Variants in DACH2 observed in about 807,000 individuals in gnomAD.
DACH2 encodes dachshund family transcription factor 2.
A neutral mutation model predicts 35.8 loss-of-function variants in DACH2; 17 were observed. That is an observed-to-expected ratio of 0.48 (90% CI 0.33 to 0.71). The LOEUF (loss-of-function observed/expected upper bound fraction) is 0.71. Ranked by LOEUF, DACH2 falls within the 30% of genes least tolerant of loss-of-function variation. The pLI is 0.02. For synonymous variants in DACH2, 195 were observed against 177.3 expected (o/e 1.10, Z -0.79); for missense variants, 469 against 472.7 (o/e 0.99, Z 0.07).
intron 3 of DACH2, among the ~76,000 whole-genome samples, chrX:86,549,723 C>T (rs1434780640): frequency 1.8e-5 from 2 of 110,976 alleles, no homozygotes; most frequent in Non-Finnish European, 3.8e-5. Context: ...ATTAAATCCA[C>T]ATCTGACATT....
chrX:86,632,140 A>C (rs1417225813), intron 3 of DACH2, among the ~76,000 whole-genome samples: 5 of 111,426 alleles, frequency 4.5e-5, no homozygotes, highest in African/African-American at 1.6e-4. Context: ...TATCTCTGCG[A>C]ATCCATTTTA....
At chrX:86,216,354 C>T (rs1167359597) in intron 1 of DACH2, among the ~76,000 whole-genome samples, 1 of 109,467 alleles carries the variant, frequency 9.1e-6, no homozygotes, top group East Asian at 2.9e-4. Context: ...GCTATCCCTC[C>T]CCCAGCCCAC....
In DACH2 at chrX:86,437,803, G is replaced by A. The variant is rs934553157; in HGVS notation, c.527+60941G>A. Reference sequence around the variant, plus strand: ...CTTTTGGATAAATAACCAGTTGTGGGATTACTGGTAGTTTTTTTAGTTTTT... The same window carrying A: ...CTTTTGGATAAATAACCAGTTGTGGAATTACTGGTAGTTTTTTTAGTTTTT... On this transcript the variant is annotated intron_variant, in intron 2 of 11. Coordinates refer to ENST00000373125, the MANE Select transcript of DACH2 (RefSeq NM_053281.3). Among the ~76,000 whole-genome samples, 4 of 109,918 alleles carry A rather than the reference G, an allele frequency of 3.6e-5. No individual in the cohort carries two copies. The South Asian group carries it at 1.5e-3, about 42-fold the overall frequency.
At chrX:86,244,494 G>A (rs1199872609) in intron 1 of DACH2, among the ~76,000 whole-genome samples, 1 of 111,871 alleles carries the variant, frequency 8.9e-6, no homozygotes, top group East Asian at 2.8e-4. Context: ...TGCACCTCTA[G>A]TTCCAGCTAC....
chrX:86,537,108 A>G (rs2038813169), intron 3 of DACH2, among the ~76,000 whole-genome samples: 1 of 111,295 alleles, frequency 9.0e-6, no homozygotes, highest in Admixed American at 9.6e-5. Context: ...CATTCCTTGC[A>G]TTCTGTGTAA....
intron 2 of DACH2, among the ~76,000 whole-genome samples, chrX:86,495,001 T>C (rs1385420164): frequency 8.9e-6 from 1 of 111,973 alleles, no homozygotes; most frequent in Non-Finnish European, 1.9e-5. Context: ...TTGCAAAATA[T>C]AAAAACATAA....
chrX:86,676,580 G>T (rs1346633315), intron 4 of DACH2, among the ~76,000 whole-genome samples: 1 of 111,580 alleles, frequency 9.0e-6, no homozygotes, highest in Non-Finnish European at 1.9e-5. Context: ...TTGAGGAACT[G>T]AATTTTTCAT....
At chrX:86,235,563 A>C (rs2033040866) in intron 1 of DACH2, among the ~76,000 whole-genome samples, 1 of 112,302 alleles carries the variant, frequency 8.9e-6, no homozygotes, top group Non-Finnish European at 1.9e-5. Context: ...CCATTGGCTG[A>C]AACTTTGAGT....
At chrX:86,803,015 C>T (rs2042309459) in intron 7 of DACH2, among the ~76,000 whole-genome samples, 1 of 112,137 alleles carries the variant, frequency 8.9e-6, no homozygotes. Flanking sequence ...ACAGAGGTAG[C>T]CAGGCTGGTT....
At chrX:86,744,909 C>G (rs1425751095) in intron 7 of DACH2, among the ~76,000 whole-genome samples, 1 of 111,260 alleles carries the variant, frequency 9.0e-6, no homozygotes, top group Non-Finnish European at 1.9e-5. Context: ...GCTATTCACT[C>G]TACTTTACCT....
At chrX:86,158,490 G>A (rs2030633057) in intron 1 of DACH2, among the ~76,000 whole-genome samples, 4 of 108,547 alleles carry the variant, frequency 3.7e-5, no homozygotes, top group South Asian at 8.0e-4. Context: ...CATTTTGATC[G>A]CTCATGATTA....
intron 3 of DACH2, among the ~76,000 whole-genome samples, chrX:86,610,323 T>TTC (rs1569452211): frequency 9.1e-6 from 1 of 110,101 alleles, no homozygotes; most frequent in African/African-American, 3.3e-5. Context: ...TTCTTTCTCC[T>TTC]TCCTTCCTTC....
chrX:86,291,485 G>A lies in DACH2; in HGVS notation c.489-85339G>A, dbSNP rs1174132698. ...TATTGAATAGGAGTGGTGAGAGAGG[G>A]CATCCCTGTCTTGTGCCAGTTTTCA... On this transcript the variant is annotated intron_variant, in intron 1 of 11. Transcript: ENST00000373125. Among the ~76,000 whole-genome samples, 26 of 104,435 alleles carry A rather than the reference G, an allele frequency of 2.5e-4. 2 individuals carry two copies. Among genetic ancestry groups the A allele is most frequent in the African/African-American group, 9.0e-4 (25 of 27,679 alleles). The allele number at this position is 104,435 out of a possible 115,157, so 90.7% of individuals were successfully genotyped here. A position where few individuals can be genotyped will look rare whatever the true frequency, so the allele number is the denominator to read the frequency against.
At chrX:86,604,799 A>G (rs182825973) in intron 3 of DACH2, among the ~76,000 whole-genome samples, 100 of 111,656 alleles carry the variant, frequency 9.0e-4, no homozygotes, top group African/African-American at 3.1e-3. Flanking sequence ...GAAAGAGGAA[A>G]GTGAAAGTGG....
chrX:86,466,844 C>T (rs769942741), intron 2 of DACH2, among the ~76,000 whole-genome samples: 10 of 111,210 alleles, frequency 9.0e-5, no homozygotes, highest in African/African-American at 2.9e-4. Context: ...CCCAGCTCTA[C>T]GTTGGCCCCT....
chrX:86,531,152 T>A (rs1159532213), intron 3 of DACH2, among the ~76,000 whole-genome samples: 1 of 112,007 alleles, frequency 8.9e-6, no homozygotes, highest in African/African-American at 3.2e-5. Flanking sequence ...GAATTTGTGA[T>A]TAAAAGCGAA....
chrX:86,555,245 T>G (rs2039101890), intron 3 of DACH2, among the ~76,000 whole-genome samples: 1 of 111,958 alleles, frequency 8.9e-6, no homozygotes, highest in Admixed American at 9.5e-5. Flanking sequence ...CATTTTATTA[T>G]TTGTAATTCT....
intron 1 of DACH2, among the ~76,000 whole-genome samples, chrX:86,295,367 A>G (rs2034427125): frequency 8.9e-6 from 1 of 111,889 alleles, no homozygotes; most frequent in Non-Finnish European, 1.9e-5. Flanking sequence ...AAATGCAGAA[A>G]TCACCCGTCT....
chrX:86,283,909 C>T (rs769009386), intron 1 of DACH2, among the ~76,000 whole-genome samples: 6 of 109,029 alleles, frequency 5.5e-5, no homozygotes, highest in Non-Finnish European at 7.6e-5. Flanking sequence ...CACACACACA[C>T]ATATATATAT....
Sources: allele counts gnomAD v4.1 joint callset (sites outside exome capture counted in the v4.1 genomes callset), GRCh38; gene constraint gnomAD v4.1.1; transcripts MANE v1.5; gene names NCBI Gene and HGNC (gene_info 2026-07-23, HGNC 2026-07-21).